The following KCNJ15 variants were observed in gnomAD, a reference collection of about 807,000 sequenced individuals.
KCNJ15 encodes the protein potassium inwardly rectifying channel subfamily J member 15.
KCNJ15 carries 14 observed loss-of-function variants against 23.0 expected under a neutral mutation model. That is an observed-to-expected ratio of 0.61 (90% CI 0.40 to 0.95). The LOEUF is 0.95. KCNJ15 is among the 40% of genes least tolerant of loss of function. KCNJ15 has a pLI of 0.00. For missense variants in KCNJ15, 388 were observed against 461.8 expected (o/e 0.84, Z 1.46); for synonymous variants, 185 against 183.2 (o/e 1.01, Z -0.08).
In KCNJ15 at chr21:38,296,958, T is replaced by G. The variant is rs1985226820; in HGVS notation, c.-84T>G. 1 of 152,496 alleles carries G rather than the reference T, an allele frequency of 6.6e-6. No individual in the cohort carries two copies. Among genetic ancestry groups the G allele is most frequent in the African/African-American group, 2.4e-5 (1 of 41,304 alleles). The allele number at this position is 152,496 out of a possible 1,614,324, so 9.4% of individuals were successfully genotyped here. Reference sequence around the variant, plus strand: ...CAGAATCCCATGGTAGCCAGGTGGGTGAAGGGGAGCGAGGACGTTCTACCT... The same window carrying G: ...CAGAATCCCATGGTAGCCAGGTGGGGGAAGGGGAGCGAGGACGTTCTACCT... On this transcript the variant is annotated 5_prime_UTR_variant, in exon 2 of 3. Coordinates refer to ENST00000398938, the MANE Select transcript of KCNJ15 (RefSeq NM_170736.3).
intron 1 of KCNJ15, among the ~76,000 whole-genome samples, chr21:38,231,886 A>G (rs1472502878): frequency 6.6e-6 from 1 of 151,296 alleles, no homozygotes; most frequent in Non-Finnish European, 1.5e-5. Context: ...TTTGTTGAGA[A>G]CTTTTGTGTT....
chr21:38,299,126 G>A lies in KCNJ15; in HGVS notation c.-18-118G>A. Reference sequence around the variant, plus strand: ...TATAGATCAGTTAATCTTGCCTTCAGAATTCTCCTTTCTTGTGTACTTCCA... The same window carrying A: ...TATAGATCAGTTAATCTTGCCTTCAAAATTCTCCTTTCTTGTGTACTTCCA... On this transcript the variant is annotated intron_variant, in intron 2 of 2. Transcript: ENST00000398938. This position sits in a 1 kb window ranked among gnomAD's most constrained non-coding sequence, Gnocchi z 4.5. 2 of 814,314 alleles carry A rather than the reference G, an allele frequency of 2.5e-6. No homozygotes were observed. The highest frequency in any genetic ancestry group is 3.9e-6 in the Non-Finnish European group (2 of 513,724). The allele number at this position is 814,314 out of a possible 1,614,324, so 50.4% of individuals were successfully genotyped here. A position where few individuals can be genotyped will look rare whatever the true frequency, so the allele number is the denominator to read the frequency against.
At chr21:38,263,091 G>T (rs1465665546) in intron 1 of KCNJ15, among the ~76,000 whole-genome samples, 1 of 152,166 alleles carries the variant, frequency 6.6e-6, no homozygotes, top group South Asian at 2.1e-4. Flanking sequence ...TCAGGGTCTT[G>T]GTTCCTAGGC....
chr21:38,276,942 A>G (rs575598445), intron 1 of KCNJ15, among the ~76,000 whole-genome samples: 1 of 152,222 alleles, frequency 6.6e-6, no homozygotes, highest in Admixed American at 6.5e-5. Flanking sequence ...ATATCTAAAA[A>G]TGACCACTTA....
intron 1 of KCNJ15, among the ~76,000 whole-genome samples, chr21:38,249,744 A>G (rs1979698658): frequency 1.3e-5 from 2 of 152,358 alleles, no homozygotes; most frequent in South Asian, 4.1e-4. Context: ...GAGAAGAAAA[A>G]TAAGAAAAAC....
chr21:38,255,924 G>A (rs974637463), upstream of KCNJ15, among the ~76,000 whole-genome samples: 3 of 152,162 alleles, frequency 2.0e-5, no homozygotes. Flanking sequence ...GGGACGTGTG[G>A]GTATATCATC....
intron 1 of KCNJ15, among the ~76,000 whole-genome samples, chr21:38,261,009 C>T (rs927614679): frequency 2.0e-5 from 3 of 152,112 alleles, no homozygotes; most frequent in African/African-American, 7.2e-5. Context: ...CCTGAGATTA[C>T]AGATAACACG....
intron 1 of KCNJ15, among the ~76,000 whole-genome samples, chr21:38,233,630 C>A (rs1245774233): frequency 1.3e-5 from 2 of 151,108 alleles, no homozygotes; most frequent in African/African-American, 2.4e-5. Flanking sequence ...TGTAGACTGA[C>A]TAAGAAAAAA....
Position 38,229,972 on chromosome 21 carries a change from C to T in KCNJ15, c.-398-27074C>T, listed in dbSNP as rs1988687460. Among the ~76,000 whole-genome samples, 5 of 152,270 alleles carry T rather than the reference C, an allele frequency of 3.3e-5. No homozygotes were observed. The South Asian group carries it at 6.2e-4, about 19-fold the overall frequency. On this transcript the variant is annotated intron_variant, in intron 1 of 4. Transcript: ENST00000547341. Reference sequence around the variant, plus strand: ...CATTTGGGTTGCATCCACTTTTTGGCTGTTCTGAAGAGTGTTACTGTGAAC... The same window carrying T: ...CATTTGGGTTGCATCCACTTTTTGGTTGTTCTGAAGAGTGTTACTGTGAAC...
chr21:38,260,945 G>T (rs1980822624), intron 1 of KCNJ15, among the ~76,000 whole-genome samples: 1 of 152,188 alleles, frequency 6.6e-6, no homozygotes, highest in Non-Finnish European at 1.5e-5. Context: ...CAGAGGCTGT[G>T]TAGGCCACTC....
chr21:38,253,117 A>G (rs1359795477), upstream of KCNJ15, among the ~76,000 whole-genome samples: 1 of 152,176 alleles, frequency 6.6e-6, no homozygotes, highest in African/African-American at 2.4e-5. Flanking sequence ...AGGATTAGGC[A>G]GGGACTGGGT....
chr21:38,283,078 A>G (rs1425253008), intron 1 of KCNJ15, among the ~76,000 whole-genome samples: 1 of 152,222 alleles, frequency 6.6e-6, no homozygotes, highest in African/African-American at 2.4e-5. Context: ...AATTCAGTCA[A>G]TGAAATGAAG....
chr21:38,302,727 A>G lies in KCNJ15; in HGVS notation c.*2338A>G, dbSNP rs1281561819. On this transcript the variant is annotated 3_prime_UTR_variant, in exon 3 of 3. Coordinates refer to ENST00000398938, the MANE Select transcript of KCNJ15 (RefSeq NM_170736.3). The stretch of plus-strand genomic sequence containing the variant: ...CAATGCTAATTTGAATGTGATGCCA[A>G]TTAAAAATCTTGTTCATTTATATTG... 6.6e-6 allele frequency: 1 copy of G among 152,184 alleles called. No homozygotes were observed. Among genetic ancestry groups the G allele is most frequent in the African/African-American group, 2.4e-5 (1 of 41,444 alleles). 9.4% of individuals were successfully genotyped at this position (152,184 alleles called of 1,614,324 possible).
At chr21:38,276,156 A>G (rs1982668819) in intron 1 of KCNJ15, among the ~76,000 whole-genome samples, 1 of 151,784 alleles carries the variant, frequency 6.6e-6, no homozygotes, top group Admixed American at 6.6e-5. Context: ...CATGATAACA[A>G]TTTATGTATA....
At chr21:38,251,049 T>TG (rs1601143452) in intron 1 of KCNJ15, among the ~76,000 whole-genome samples, 2 of 151,544 alleles carry the variant, frequency 1.3e-5, no homozygotes, top group Non-Finnish European at 2.9e-5. Flanking sequence ...ATAGAAGAGG[T>TG]GGGGGGTAAT....
intron 1 of KCNJ15, among the ~76,000 whole-genome samples, chr21:38,290,279 TA>T (rs927548489): frequency 4.6e-5 from 7 of 152,014 alleles, no homozygotes; most frequent in Admixed American, 3.9e-4. Context: ...TCTATGAGAT[TA>T]AAAAAAAGTT....
In KCNJ15 at chr21:38,277,625, C is replaced by T. The variant is rs138028843; in HGVS notation, c.-116-19301C>T. On this transcript the variant is annotated intron_variant, in intron 1 of 2. Transcript: ENST00000398938. ...TCATCTACCAAGTCATCTGCAAGAGCGAGTGCAGCTTCCAAGAGGGTCTGA... is the reference window on the plus strand; with the variant it reads ...TCATCTACCAAGTCATCTGCAAGAGTGAGTGCAGCTTCCAAGAGGGTCTGA... 2.1e-3 allele frequency among the ~76,000 whole-genome samples: 325 copies of T among 152,238 alleles called. 2 individuals are homozygous for T. The highest frequency in any genetic ancestry group is 7.3e-3 in the African/African-American group (304 of 41,530).
chr21:38,233,311 ATTCTTTTAC>A (rs999010525), intron 1 of KCNJ15, among the ~76,000 whole-genome samples: 16 of 152,094 alleles, frequency 1.1e-4, no homozygotes, highest in African/African-American at 3.4e-4. Context: ...ATCTTTTTTC[ATTCTTTTAC>A]TTTCAACTTA....
At position 38,307,147 on chromosome 21, in the gene KCNJ15, TG is replaced by T. The variant is rs1986084468; in HGVS notation, c.*6759del. 1 of 152,232 alleles carries T rather than the reference TG, an allele frequency of 6.6e-6. No individual in the cohort carries two copies. Among genetic ancestry groups the T allele is most frequent in the Non-Finnish European group, 1.5e-5 (1 of 68,048 alleles). The allele number at this position is 152,232 out of a possible 1,614,324, so 9.4% of individuals were successfully genotyped here. A position where few individuals can be genotyped will look rare whatever the true frequency, so the allele number is the denominator to read the frequency against. Reference sequence around the variant, plus strand: ...TGCATGTCGGAAATCTCACACTAACTGTGGATACTCTGTCATCACTGAACCC... The same window carrying T: ...TGCATGTCGGAAATCTCACACTAACTTGGATACTCTGTCATCACTGAACCC... On this transcript the variant is annotated 3_prime_UTR_variant, in exon 3 of 3. Coordinates refer to ENST00000398938, the MANE Select transcript of KCNJ15 (RefSeq NM_170736.3).
Sources: gnomAD v4.1 joint callset for allele counts (sites outside exome capture counted in the v4.1 genomes callset) on GRCh38, gnomAD v4.1.1 for gene constraint, Gnocchi (gnomAD v3.1) non-coding constraint, MANE v1.5 for transcripts, NCBI Gene and HGNC (gene_info 2026-07-23, HGNC 2026-07-21) for gene names.